Variants in RSPO2 observed in about 807,000 individuals in gnomAD.
RSPO2 encodes R-spondin-2.
Under a neutral mutation model 30.9 loss-of-function variants are expected in RSPO2, and 14 were observed. That is an observed-to-expected ratio of 0.45 (90% CI 0.30 to 0.71). RSPO2 has a LOEUF of 0.71. RSPO2 is among the 30% of genes least tolerant of loss of function. RSPO2 has a pLI of 0.08. For missense variants in RSPO2, 264 were observed against 301.9 expected, an observed-to-expected ratio of 0.87 and a Z score of 0.93; for synonymous variants, 107 against 96.4, an observed-to-expected ratio of 1.11 and a Z score of -0.64.
At chr8:108,021,597 G>C (rs1195235272) in intron 2 of RSPO2, among the ~76,000 whole-genome samples, 1 of 152,084 alleles carries the variant, frequency 6.6e-6, no homozygotes, top group Non-Finnish European at 1.5e-5. Flanking sequence ...GTGCTAGGGA[G>C]AAAAAGGGGG....
At chr8:107,906,266 C>T (rs1267786944) in intron 5 of RSPO2, among the ~76,000 whole-genome samples, 2 of 151,752 alleles carry the variant, frequency 1.3e-5, no homozygotes, top group African/African-American at 4.8e-5. Flanking sequence ...ACTTAAATGT[C>T]CTGACTACAC....
chr8:108,044,979 G>A (rs927828486), intron 2 of RSPO2, among the ~76,000 whole-genome samples: 6 of 152,088 alleles, frequency 3.9e-5, no homozygotes, highest in Non-Finnish European at 4.4e-5. Flanking sequence ...AAGAATCCTC[G>A]AAGAACCTAG....
chr8:107,973,295 GC>G (rs1814070907), intron 3 of RSPO2, among the ~76,000 whole-genome samples: 1 of 151,832 alleles, frequency 6.6e-6, no homozygotes, highest in South Asian at 2.1e-4. Context: ...GGGGGAACTA[GC>G]CAAGGAAATT....
chr8:108,050,542 T>A (rs757086528), intron 2 of RSPO2, among the ~76,000 whole-genome samples: 4 of 152,180 alleles, frequency 2.6e-5, no homozygotes, highest in African/African-American at 9.6e-5. Flanking sequence ...TATTCTATGT[T>A]CCTGGTTATT....
intron 5 of RSPO2, among the ~76,000 whole-genome samples, chr8:107,953,236 A>G (rs941285049): frequency 1.3e-5 from 2 of 152,202 alleles, no homozygotes; most frequent in African/African-American, 4.8e-5. Flanking sequence ...GCAATGGTCA[A>G]AGATGAATGT....
intron 5 of RSPO2, among the ~76,000 whole-genome samples, chr8:107,941,343 T>C (rs1476991400): frequency 1.3e-5 from 2 of 152,152 alleles, no homozygotes; most frequent in African/African-American, 4.8e-5. Context: ...AACTTGGGTG[T>C]TACAATAGAC....
At chr8:108,067,687 T>G (rs1812713305) in intron 2 of RSPO2, among the ~76,000 whole-genome samples, 1 of 152,148 alleles carries the variant, frequency 6.6e-6, no homozygotes, top group South Asian at 2.1e-4. Flanking sequence ...GAAGACTAGT[T>G]TAAGACACTC....
intron 2 of RSPO2, among the ~76,000 whole-genome samples, chr8:108,006,578 GA>G (rs1379281072): frequency 1.3e-5 from 2 of 150,690 alleles, no homozygotes; most frequent in African/African-American, 2.4e-5. Flanking sequence ...CATTTTTATA[GA>G]TTTTTTTTAA....
chr8:108,027,675 ACT>A (rs1258468612), intron 2 of RSPO2, among the ~76,000 whole-genome samples: 2 of 152,130 alleles, frequency 1.3e-5, no homozygotes, highest in African/African-American at 4.8e-5. Flanking sequence ...ATTCTAAATA[ACT>A]CTTTTTCAGA....
At chr8:108,038,766 T>G (rs977792010) in intron 2 of RSPO2, among the ~76,000 whole-genome samples, 2 of 152,054 alleles carry the variant, frequency 1.3e-5, no homozygotes, top group Admixed American at 1.3e-4. Flanking sequence ...GGTTTTTTTT[T>G]TTAGCAATAA....
intron 2 of RSPO2, among the ~76,000 whole-genome samples, chr8:108,034,203 T>TC (rs754116606): frequency 9.2e-5 from 14 of 152,152 alleles, no homozygotes; most frequent in Non-Finnish European, 1.6e-4. Context: ...GGGTTTTTTT[T>TC]CCCCTCCTTA....
intron 5 of RSPO2, among the ~76,000 whole-genome samples, chr8:107,903,374 GTTGTGAGT>G (rs1811539585): frequency 6.6e-6 from 1 of 152,098 alleles, no homozygotes; most frequent in African/African-American, 2.4e-5. Context: ...AAATTATGTA[GTTGTGAGT>G]TAAATATGTA....
chr8:107,972,603 C>T (rs575974231), intron 3 of RSPO2, among the ~76,000 whole-genome samples: 1 of 152,082 alleles, frequency 6.6e-6, no homozygotes, highest in South Asian at 2.1e-4. Flanking sequence ...AAGGTATGCA[C>T]AGTCCTTAAC....
intron 5 of RSPO2, among the ~76,000 whole-genome samples, chr8:107,935,507 G>A (rs1267789947): frequency 6.6e-6 from 1 of 151,930 alleles, no homozygotes; most frequent in African/African-American, 2.4e-5. Context: ...AAGCCAGTGG[G>A]GACAGTAAAT....
At chr8:108,006,420 T>G (rs892574155) in intron 2 of RSPO2, among the ~76,000 whole-genome samples, 23 of 152,102 alleles carry the variant, frequency 1.5e-4, no homozygotes, top group Non-Finnish European at 3.4e-4. Flanking sequence ...TAAGTTATAA[T>G]GTAATATTAG....
At chr8:107,960,619 A>G in intron 4 of RSPO2, 55 bp downstream of exon 4, 2 of 1,536,374 alleles carry the variant, frequency 1.3e-6, no homozygotes, top group Non-Finnish European at 8.9e-7. Context: ...TATTTTTAAG[A>G]AACAAGTGCT....
intron 3 of RSPO2, among the ~76,000 whole-genome samples, chr8:107,973,251 C>A (rs1313159984): frequency 1.3e-5 from 2 of 149,358 alleles, no homozygotes; most frequent in Non-Finnish European, 1.5e-5. Context: ...GCCTCAGCAA[C>A]ACAGCGAGAC....
chr8:107,942,325 T>C (rs1373579193), intron 5 of RSPO2, among the ~76,000 whole-genome samples: 2 of 152,198 alleles, frequency 1.3e-5, no homozygotes, highest in East Asian at 1.9e-4. Context: ...GTTAACATTT[T>C]AAAAACCATT....
intron 5 of RSPO2, among the ~76,000 whole-genome samples, chr8:107,914,170 C>T (rs748781980): frequency 6.6e-6 from 1 of 152,072 alleles, no homozygotes; most frequent in Non-Finnish European, 1.5e-5. Context: ...AACAAACCTT[C>T]CATGATCTTA....
Sources: gnomAD v4.1 joint callset for allele counts (sites outside exome capture counted in the v4.1 genomes callset) on GRCh38, gnomAD v4.1.1 for gene constraint, MANE v1.5 for transcripts, NCBI Gene and HGNC (gene_info 2026-07-23, HGNC 2026-07-21) for gene names.